PRKCE: variants seen among roughly 807,000 people sequenced by gnomAD.
PRKCE encodes the protein protein kinase C epsilon type.
In PRKCE, 16 loss-of-function variants were observed where a neutral mutation model predicts 85.4. That is an observed-to-expected ratio of 0.19 (90% CI 0.13 to 0.28). The LOEUF (loss-of-function observed/expected upper bound fraction) is 0.28. PRKCE is among the 10% of genes least tolerant of loss of function. The pLI is 1.00. For synonymous variants in PRKCE, 388 were observed against 371.5 expected, an observed-to-expected ratio of 1.04 and a Z score of -0.51; for missense variants, 573 against 975.2, an observed-to-expected ratio of 0.59 and a Z score of 5.49.
intron 1 of PRKCE, among the ~76,000 whole-genome samples, chr2:45,666,216 T>G (rs1431753452): frequency 6.6e-6 from 1 of 152,234 alleles, no homozygotes; most frequent in African/African-American, 2.4e-5. Flanking sequence ...GCCTGAGTAC[T>G]AATTCATGGA....
chr2:45,862,440 G>A (rs948569844), intron 2 of PRKCE, among the ~76,000 whole-genome samples: 7 of 152,144 alleles, frequency 4.6e-5, no homozygotes, highest in Admixed American at 1.3e-4. Context: ...GCATTAGGCC[G>A]GAGATTGTTC....
At chr2:45,673,891 T>C (rs1012216286) in intron 1 of PRKCE, among the ~76,000 whole-genome samples, 3 of 152,186 alleles carry the variant, frequency 2.0e-5, no homozygotes, top group Non-Finnish European at 2.9e-5. Context: ...TGGAATTACA[T>C]TGGCTGAGGA....
At chr2:45,924,726 A>C (rs1698487503) in intron 2 of PRKCE, among the ~76,000 whole-genome samples, 1 of 152,246 alleles carries the variant, frequency 6.6e-6, no homozygotes, top group African/African-American at 2.4e-5. Context: ...TTACTGGCCT[A>C]CACAGTGCTG....
chr2:45,748,057 T>G (rs1222539941), intron 1 of PRKCE, among the ~76,000 whole-genome samples: 1 of 152,232 alleles, frequency 6.6e-6, no homozygotes, highest in African/African-American at 2.4e-5. Context: ...CTTTGTATAT[T>G]CTAGATATTA....
Position 46,136,243 on chromosome 2 carries a change from G to A in PRKCE, c.1593-8850G>A, listed in dbSNP as rs1009808182. Among the ~76,000 whole-genome samples, 13 of 152,266 alleles carry A rather than the reference G, an allele frequency of 8.5e-5. No homozygotes were observed. The South Asian group carries it at 2.3e-3, about 27-fold the overall frequency. On this transcript the variant is annotated intron_variant, in intron 11 of 14. Transcript: ENST00000306156. Reference sequence around the variant, plus strand: ...TGGAAAACGAGCGAAGAATAAAGGAGCATTACAGGGCTCTTCTGTGGTGAA... The same window carrying A: ...TGGAAAACGAGCGAAGAATAAAGGAACATTACAGGGCTCTTCTGTGGTGAA...
intron 1 of PRKCE, among the ~76,000 whole-genome samples, chr2:45,723,641 T>C (rs1680810175): frequency 2.6e-5 from 4 of 152,090 alleles, no homozygotes; most frequent in Admixed American, 2.6e-4. Context: ...GTTTCACTCT[T>C]TTGCCCAGGC....
intron 2 of PRKCE, among the ~76,000 whole-genome samples, chr2:45,888,414 A>G (rs1695455243): frequency 6.6e-6 from 1 of 151,792 alleles, no homozygotes; most frequent in African/African-American, 2.4e-5. Flanking sequence ...GGCCACTGGA[A>G]AGCCTCATGC....
chr2:45,980,032 T>C (rs926977253), intron 4 of PRKCE, among the ~76,000 whole-genome samples: 2 of 152,178 alleles, frequency 1.3e-5, no homozygotes, highest in Non-Finnish European at 2.9e-5. Context: ...AATTGATCAG[T>C]ACTCCCTCAA....
At chr2:45,759,447 C>T (rs1558640652) in intron 1 of PRKCE, among the ~76,000 whole-genome samples, 1 of 152,164 alleles carries the variant, frequency 6.6e-6, no homozygotes, top group Non-Finnish European at 1.5e-5. Context: ...CCAGCTGGGA[C>T]GCTACTGCTG....
intron 9 of PRKCE, among the ~76,000 whole-genome samples, chr2:46,009,084 G>T (rs1705444074): frequency 6.6e-6 from 1 of 152,138 alleles, no homozygotes; most frequent in Middle Eastern, 3.2e-3. Flanking sequence ...GACGTTTGTA[G>T]GTAAATGAGT....
At chr2:45,776,976 A>G (rs1685801480) in intron 1 of PRKCE, among the ~76,000 whole-genome samples, 1 of 152,184 alleles carries the variant, frequency 6.6e-6, no homozygotes, top group African/African-American at 2.4e-5. Flanking sequence ...TAGAAGCAGT[A>G]TGGCCTAGTG....
intron 2 of PRKCE, among the ~76,000 whole-genome samples, chr2:45,918,896 G>A (rs900325088): frequency 1.3e-5 from 2 of 152,228 alleles, no homozygotes; most frequent in African/African-American, 4.8e-5. Context: ...GGGTCTCACA[G>A]CTCCTTTCAC....
chr2:45,652,253 C>G lies in PRKCE; in HGVS notation c.153C>G (p.Ile51Met). Residue 51 changes from isoleucine (I) to methionine (M), a missense_variant, in exon 1 of 15, where the codon ATC becomes ATG. Coordinates refer to ENST00000306156, the MANE Select transcript of PRKCE (RefSeq NM_005400.3). This position sits in a 1 kb window ranked among gnomAD's most constrained non-coding sequence, Gnocchi z 7.7. Reference protein sequence around the residue: ...YIALNVDDSRIGQTATKQKTN... With the variant: ...YIALNVDDSRMGQTATKQKTN... Reference sequence around the variant, plus strand: ...CCCTCAATGTGGACGACTCGCGCATCGGCCAAACGGCCACCAAGCAGAAGA... The same window carrying G: ...CCCTCAATGTGGACGACTCGCGCATGGGCCAAACGGCCACCAAGCAGAAGA... 1.2e-6 allele frequency: 2 copies of G among 1,613,268 alleles called. No individual in the cohort carries two copies. The highest frequency in any genetic ancestry group is 1.7e-6 in the Non-Finnish European group (2 of 1,179,996).
intron 1 of PRKCE, among the ~76,000 whole-genome samples, chr2:45,704,343 G>C (rs1678930731): frequency 6.6e-6 from 1 of 152,152 alleles, no homozygotes; most frequent in Non-Finnish European, 1.5e-5. Context: ...TGTACCTTCT[G>C]TGTCCCTCCC....
At chr2:46,087,868 T>C (rs1053900170) in intron 11 of PRKCE, among the ~76,000 whole-genome samples, 24 of 152,206 alleles carry the variant, frequency 1.6e-4, no homozygotes, top group African/African-American at 5.8e-4. Flanking sequence ...AGTACTTATG[T>C]GGCTTGCTCC....
chr2:46,048,979 A>T (rs2105050588), intron 10 of PRKCE, among the ~76,000 whole-genome samples: 1 of 152,216 alleles, frequency 6.6e-6, no homozygotes, highest in Non-Finnish European at 1.5e-5. Context: ...CCTCCATCTG[A>T]CCTACACAGG....
intron 1 of PRKCE, among the ~76,000 whole-genome samples, chr2:45,800,958 A>G (rs780607054): frequency 5.3e-5 from 8 of 152,244 alleles, no homozygotes; most frequent in Non-Finnish European, 1.2e-4. Context: ...ACGCAGTCAT[A>G]GAGAAATGCA....
Position 46,159,945 on chromosome 2 carries a change from C to A in PRKCE, c.2067+193C>A. On this transcript the variant is annotated intron_variant, in intron 14 of 14. Transcript: ENST00000306156. The surrounding 1 kb of genome is among the most constrained non-coding windows in gnomAD (Gnocchi z 4.1). ...GTGTTTACTATTGAAAACATGTAAC[C>A]TACTACAGCAGCACCCAAGATGATG... 1 of 586,156 alleles carries A rather than the reference C, an allele frequency of 1.7e-6. No individual in the cohort carries two copies. 36.3% of individuals were successfully genotyped at this position (586,156 alleles called of 1,614,324 possible). A position where few individuals can be genotyped will look rare whatever the true frequency, so the allele number is the denominator to read the frequency against.
In PRKCE at chr2:45,766,309, T is replaced by C. The variant is rs556698584; in HGVS notation, c.349-76691T>C. Among the ~76,000 whole-genome samples, 6 of 152,360 alleles carry C rather than the reference T, an allele frequency of 3.9e-5. No homozygotes were observed. In the South Asian group the frequency reaches 1.2e-3, roughly 32 times the overall value. On this transcript the variant is annotated intron_variant, in intron 1 of 14. Coordinates refer to ENST00000306156, the MANE Select transcript of PRKCE (RefSeq NM_005400.3). ...CTTGAACAAATGTTCTATTACCTTTTTTGGTCCTGGGTGCCGTGCAGACCT... is the reference window on the plus strand; with the variant it reads ...CTTGAACAAATGTTCTATTACCTTTCTTGGTCCTGGGTGCCGTGCAGACCT...
Sources: gnomAD v4.1 joint callset for allele counts (sites outside exome capture counted in the v4.1 genomes callset) on GRCh38, gnomAD v4.1.1 for gene constraint, Gnocchi (gnomAD v3.1) non-coding constraint, MANE v1.5 for transcripts, NCBI Gene and HGNC (gene_info 2026-07-23, HGNC 2026-07-21) for gene names.